SCN7A: variants seen among roughly 807,000 people sequenced by gnomAD.
The protein encoded by SCN7A is sodium channel protein type 7 subunit alpha.
In SCN7A, 138 loss-of-function variants were observed where a neutral mutation model predicts 155.2. That is an observed-to-expected ratio of 0.89 (90% CI 0.77 to 1.02). The LOEUF is 1.02. Ranked by LOEUF, SCN7A falls within the 50% of genes least tolerant of loss-of-function variation. The pLI, the probability that SCN7A is intolerant of heterozygous loss-of-function variation, is 0.00. For missense variants in SCN7A, 2,058 were observed against 1,986.6 expected (o/e 1.04, Z -0.68); for synonymous variants, 693 against 649.0 (o/e 1.07, Z -1.03).
Position 166,444,713 on chromosome 2 carries a change from T to A in SCN7A, c.1626+49A>T, listed in dbSNP as rs771057938. 3 of 1,077,272 alleles carry A rather than the reference T, an allele frequency of 2.8e-6. No homozygotes were observed. In the South Asian group the frequency reaches 4.6e-5, roughly 17 times the overall value. 66.7% of individuals were successfully genotyped at this position (1,077,272 alleles called of 1,614,324 possible). The stretch of plus-strand genomic sequence containing the variant: ...TAATGATGAACAAAGAAAAGTTCAA[T>A]GATAACTAAGAAACTGCAAATGAAA... On this transcript the variant is annotated intron_variant, in intron 13 of 25. Transcript: ENST00000643258.
At chr2:166,421,371 A>G (rs1701507499) in intron 19 of SCN7A, 74 bp from the exon 20 acceptor site, 1 of 841,942 alleles carries the variant, frequency 1.2e-6, no homozygotes, top group Non-Finnish European at 1.7e-6. Context: ...TAAACTTTGC[A>G]TTTATTACAA....
In SCN7A at chr2:166,477,661, G is replaced by T; in HGVS notation, c.36C>A (p.Pro12=). 1 of 1,604,786 alleles carries T rather than the reference G, an allele frequency of 6.2e-7. No individual in the cohort carries two copies. The highest frequency in any genetic ancestry group is 1.1e-5 in the South Asian group (1 of 89,268). The part of the protein sequence containing the change: ...LASPEPKGLV[P]FTKESFELIK... ...TAAGTTCAAAAGACTCTTTAGTGAA[G>T]GGAACAAGGCCCTTAGGTTCTGGTG... The change falls in exon 3 of 26, where the codon CCC becomes CCA. Residue 12 remains proline, a synonymous_variant. Coordinates refer to ENST00000643258, the MANE Select transcript of SCN7A (RefSeq NM_002976.4).
At chr2:166,408,912 T>C (rs1251668322) in intron 25 of SCN7A, among the ~76,000 whole-genome samples, 2 of 152,008 alleles carry the variant, frequency 1.3e-5, no homozygotes, top group Non-Finnish European at 2.9e-5. Flanking sequence ...TCTCCTTATC[T>C]GAAAAGTCTC....
intron 24 of SCN7A, 24 bp from the exon 25 acceptor site, chr2:166,409,959 A>G (rs775347571): frequency 4.8e-5 from 73 of 1,525,338 alleles, no homozygotes; most frequent in Non-Finnish European, 6.1e-5. Context: ...CAACAGGTGT[A>G]ATAGTCTTAT....
rs1701029782 is a variant in SCN7A, at chr2:166,404,797, A to G, written c.*783T>C. The G allele has an allele frequency of 6.6e-6, 1 of 150,926 alleles. No homozygotes were observed. The highest frequency in any genetic ancestry group is 2.4e-5 in the African/African-American group (1 of 41,140). The allele number at this position is 150,926 out of a possible 1,614,324, so 9.3% of individuals were successfully genotyped here. ...ATTTTAGTAAATGTATACTTTTTAA[A>G]AAAATAGGTGTAAATGAGAAGAAAA... On this transcript the variant is annotated 3_prime_UTR_variant, in exon 26 of 26. Coordinates refer to ENST00000643258, the MANE Select transcript of SCN7A (RefSeq NM_002976.4).
At position 166,406,115 on chromosome 2, in the gene SCN7A, T is replaced by C. The variant is rs758479307; in HGVS notation, c.4514A>G (p.Lys1505Arg). The part of the protein sequence containing the change: ...VMEFLNIASK[K>R]KNKTLSEDDF... ...ATCTTCACTCAAGGTCTTGTTTTTC[T>C]TCTTAGAAGCAATATTTAAAAACTC... The change falls in exon 26 of 26, where the codon AAG (lysine) becomes AGG (arginine). Residue 1505 changes from lysine to arginine, a missense_variant. Coordinates refer to ENST00000643258, the MANE Select transcript of SCN7A (RefSeq NM_002976.4). 6.2e-6 allele frequency: 10 copies of C among 1,611,992 alleles called. No individual in the cohort carries two copies. In the South Asian group the frequency reaches 9.9e-5, roughly 16 times the overall value.
intron 7 of SCN7A, among the ~76,000 whole-genome samples, chr2:166,467,682 G>A (rs1702567114): frequency 6.6e-6 from 1 of 151,428 alleles, no homozygotes; most frequent in Admixed American, 6.6e-5. Context: ...TTGTTAGAAA[G>A]TTCCGGGTCT....
chr2:166,434,032 GCTGA>G (rs72348622), intron 15 of SCN7A, among the ~76,000 whole-genome samples: 2,007 of 152,090 alleles, frequency 0.013, 49 homozygotes, highest in African/African-American at 0.046. Flanking sequence ...GGATAATTAG[GCTGA>G]CTATTTGTGT....
At chr2:166,460,809 T>C (rs1044393483) in intron 10 of SCN7A, among the ~76,000 whole-genome samples, 3 of 152,118 alleles carry the variant, frequency 2.0e-5, no homozygotes, top group African/African-American at 7.2e-5. Context: ...TCAGGAGATG[T>C]AGGCAGATGA....
intron 23 of SCN7A, among the ~76,000 whole-genome samples, chr2:166,410,793 T>C (rs1174425092): frequency 6.6e-6 from 1 of 152,050 alleles, no homozygotes; most frequent in African/African-American, 2.4e-5. Context: ...TTTTTTTTAC[T>C]ATTATTCCAA....
In SCN7A at chr2:166,462,499, C is replaced by T; in HGVS notation, c.973G>A (p.Ala325Thr). The T allele has an allele frequency of 6.2e-7, 1 of 1,613,794 alleles. No individual in the cohort carries two copies. The highest frequency in any genetic ancestry group is 8.5e-7 in the Non-Finnish European group (1 of 1,179,814). ...QCPEGYVCVKAGINPDQGFTN... is the reference protein window; with the variant it reads ...QCPEGYVCVKTGINPDQGFTN... ...AAGCCTTGATCAGGATTTATGCCAG[C>T]TTTTACACACACATATCCTTCAGGA... The change falls in exon 10 of 26, where the codon GCT (alanine) becomes ACT (threonine). Residue 325 changes from alanine to threonine, a missense_variant. Coordinates refer to ENST00000643258, the MANE Select transcript of SCN7A (RefSeq NM_002976.4).
At chr2:166,467,467 A>G (rs987431880) in intron 7 of SCN7A, among the ~76,000 whole-genome samples, 3 of 142,384 alleles carry the variant, frequency 2.1e-5, no homozygotes, top group Non-Finnish European at 3.0e-5. Context: ...TTATATATAT[A>G]TGTGTTTTTA....
At chr2:166,432,199 G>T in intron 16 of SCN7A, 119 bp downstream of exon 16, 1 of 702,152 alleles carries the variant, frequency 1.4e-6, no homozygotes, top group Non-Finnish European at 2.3e-6. Context: ...GATGGAGCTA[G>T]GAGTGATGGA....
chr2:166,477,770 T>C, intron 2 of SCN7A, 60 bp from the exon 3 acceptor site: 1 of 1,088,490 alleles, frequency 9.2e-7, no homozygotes, highest in South Asian at 1.9e-5. Flanking sequence ...TACAAAAGAT[T>C]AGGATACGAA....
chr2:166,421,201 C>G lies in SCN7A; in HGVS notation c.3124G>C (p.Glu1042Gln). ...LRPLRVLSQF[E>Q]RMKVVVRALI... ...AACTTATCTCTTACCTTCATTCTTT[C>G]AAATTGAGATAGAACTCTGAGGGGC... is the stretch of plus-strand genomic sequence containing the variant. The change falls in exon 20 of 26, where the codon GAA becomes CAA. Residue 1042 changes from glutamate (E) to glutamine (Q), a missense_variant. By Grantham distance (29) the Glu-to-Gln change is conservative. Coordinates refer to ENST00000643258, the MANE Select transcript of SCN7A (RefSeq NM_002976.4). 6.6e-7 allele frequency: 1 copy of G among 1,517,456 alleles called. No individual in the cohort carries two copies. The highest frequency in any genetic ancestry group is 8.8e-7 in the Non-Finnish European group (1 of 1,135,320). The allele number at this position is 1,517,456 out of a possible 1,614,324, so 94.0% of individuals were successfully genotyped here. A position where few individuals can be genotyped will look rare whatever the true frequency, so the allele number is the denominator to read the frequency against.
chr2:166,454,881 T>C (rs1702243149), intron 11 of SCN7A, among the ~76,000 whole-genome samples: 1 of 152,178 alleles, frequency 6.6e-6, no homozygotes, highest in African/African-American at 2.4e-5. Flanking sequence ...TTAATGCTAC[T>C]TCTGTCAATA....
Position 166,462,410 on chromosome 2 carries a change from G to A in SCN7A, c.1062C>T (p.Tyr354=). 6.3e-7 allele frequency: 1 copy of A among 1,596,560 alleles called. No homozygotes were observed. The highest frequency in any genetic ancestry group is 8.5e-7 in the Non-Finnish European group (1 of 1,170,744). The change falls in exon 10 of 26, where the codon TAC becomes TAT. Residue 354 remains tyrosine (Y), a synonymous_variant. Transcript: ENST00000643258. ...TTACCTGGTGATAAAGTACTTCAGG[G>A]TAATCCTGAGCCATTAACCGAAATA... ...FALFRLMAQD[Y]PEVLYHQILY... is the part of the protein sequence containing the mutation.
At chr2:166,490,627 C>T (rs1683075314) in intron 1 of SCN7A, among the ~76,000 whole-genome samples, 1 of 152,078 alleles carries the variant, frequency 6.6e-6, no homozygotes, top group Non-Finnish European at 1.5e-5. Context: ...ATTTGCACTG[C>T]TATTTTATTT....
chr2:166,460,898 T>C (rs570951506), intron 10 of SCN7A, among the ~76,000 whole-genome samples: 2 of 152,174 alleles, frequency 1.3e-5, no homozygotes, highest in Non-Finnish European at 2.9e-5. Flanking sequence ...AGAAGGGTAA[T>C]GTGATAAGAT....
Sources: allele counts gnomAD v4.1 joint callset (sites outside exome capture counted in the v4.1 genomes callset), GRCh38; gene constraint gnomAD v4.1.1; transcripts MANE v1.5; gene names NCBI Gene and HGNC (gene_info 2026-07-23, HGNC 2026-07-21).